Variants in ZC4H2 observed in about 807,000 individuals in gnomAD.
ZC4H2 encodes the protein zinc finger C4H2-type containing.
For missense variants in ZC4H2, 137 were observed against 173.9 expected, an observed-to-expected ratio of 0.79 and a Z score of 1.19; for synonymous variants, 84 against 66.3, an observed-to-expected ratio of 1.27 and a Z score of -1.30.
At chrX:65,021,902 A>G (rs1331919558) in intron 1 of ZC4H2, among the ~76,000 whole-genome samples, 2 of 112,177 alleles carry the variant, frequency 1.8e-5, no homozygotes, top group Non-Finnish European at 3.8e-5. Context: ...AAACAACTCT[A>G]TGCAAATAAA....
At chrX:64,941,453 T>A (rs1930277342) in intron 1 of ZC4H2, among the ~76,000 whole-genome samples, 1 of 111,332 alleles carries the variant, frequency 9.0e-6, no homozygotes, top group Non-Finnish European at 1.9e-5. Flanking sequence ...GTGAGAGAGG[T>A]CATTCTTGTC....
intron 1 of ZC4H2, among the ~76,000 whole-genome samples, chrX:64,962,529 C>T (rs1408260111): frequency 9.0e-6 from 1 of 111,154 alleles, no homozygotes; most frequent in Non-Finnish European, 1.9e-5. Context: ...CAACATAGAT[C>T]CTAGAGACCT....
At chrX:65,022,039 C>T (rs1932840514) in intron 1 of ZC4H2, among the ~76,000 whole-genome samples, 2 of 111,527 alleles carry the variant, frequency 1.8e-5, no homozygotes, top group Non-Finnish European at 3.8e-5. Flanking sequence ...AAATAATAGC[C>T]TAGCAACCAA....
chrX:64,976,433 A>T lies in ZC4H2; in HGVS notation c.-56T>A. 8.7e-7 allele frequency: 1 copy of T among 1,150,288 alleles called. No homozygotes were observed. Among genetic ancestry groups the T allele is most frequent in the South Asian group, 1.8e-5 (1 of 55,458 alleles). 94.8% of individuals were successfully genotyped at this position (1,150,288 alleles called of 1,213,427 possible). A position where few individuals can be genotyped will look rare whatever the true frequency, so the allele number is the denominator to read the frequency against. On this transcript the variant is annotated 5_prime_UTR_variant, in exon 1 of 5. Coordinates refer to ENST00000374839, the MANE Select transcript of ZC4H2 (RefSeq NM_018684.4). ...GATGTACAAATACACCAGCCAAGGGATACAATAGACACAATGTAGCCACCT... is the reference window on the plus strand; with the variant it reads ...GATGTACAAATACACCAGCCAAGGGTTACAATAGACACAATGTAGCCACCT...
intron 1 of ZC4H2, among the ~76,000 whole-genome samples, chrX:64,966,855 C>T (rs1931609854): frequency 9.0e-6 from 1 of 111,631 alleles, no homozygotes; most frequent in South Asian, 3.7e-4. Context: ...TGGAAATTTT[C>T]TAAAATATTA....
chrX:64,995,188 C>T (rs951492636), intron 1 of ZC4H2, among the ~76,000 whole-genome samples: 6 of 108,820 alleles, frequency 5.5e-5, no homozygotes, highest in South Asian at 8.1e-4. Context: ...CATCCCTCTA[C>T]AGGAATATTT....
chrX:64,988,273 T>G (rs1932234124), intron 1 of ZC4H2, among the ~76,000 whole-genome samples: 1 of 111,346 alleles, frequency 9.0e-6, no homozygotes, highest in Admixed American at 9.5e-5. Context: ...CTGGGTCAAA[T>G]GGTATTTCTA....
chrX:64,937,761 A>G (rs1472112704), intron 1 of ZC4H2, among the ~76,000 whole-genome samples: 4 of 111,742 alleles, frequency 3.6e-5, no homozygotes, highest in African/African-American at 1.3e-4. Context: ...ACGTACCAGG[A>G]TCTCTGGGAC....
intron 1 of ZC4H2, among the ~76,000 whole-genome samples, chrX:65,030,172 C>T (rs771734862): frequency 1.7e-4 from 19 of 111,441 alleles, no homozygotes; most frequent in Non-Finnish European, 3.2e-4. Context: ...GGATGGAGTG[C>T]AGTGGAGCAA....
intron 1 of ZC4H2, among the ~76,000 whole-genome samples, chrX:64,990,156 A>C (rs1411207897): frequency 1.8e-5 from 2 of 112,459 alleles, no homozygotes; most frequent in East Asian, 2.8e-4. Context: ...TGAATGTTTA[A>C]ACAAATTGGT....
chrX:64,939,962 C>A (rs984034625), intron 1 of ZC4H2, among the ~76,000 whole-genome samples: 2 of 111,359 alleles, frequency 1.8e-5, no homozygotes, highest in East Asian at 2.9e-4. Context: ...AGCTTCTGCA[C>A]AGCAAAAGAA....
At chrX:64,932,607 C>A (rs1929809616) in intron 1 of ZC4H2, among the ~76,000 whole-genome samples, 1 of 111,263 alleles carries the variant, frequency 9.0e-6, no homozygotes, top group Non-Finnish European at 1.9e-5. Context: ...CTTTATCTTC[C>A]TTTCATTTAT....
chrX:64,954,466 A>C (rs1319620189), intron 1 of ZC4H2, among the ~76,000 whole-genome samples: 2 of 96,344 alleles, frequency 2.1e-5, no homozygotes, highest in African/African-American at 8.4e-5. Context: ...ATTAATCATT[A>C]TTATGGTTAT....
intron 1 of ZC4H2, among the ~76,000 whole-genome samples, chrX:65,020,475 C>T (rs1446317629): frequency 1.8e-5 from 2 of 111,689 alleles, no homozygotes; most frequent in Admixed American, 9.5e-5. Context: ...ACTTTACAGA[C>T]AAGCAAATGC....
intron 1 of ZC4H2, among the ~76,000 whole-genome samples, chrX:64,990,815 A>G (rs1021399965): frequency 9.0e-6 from 1 of 111,384 alleles, no homozygotes; most frequent in African/African-American, 3.3e-5. Context: ...CAGTCATACT[A>G]TGCTCACAGA....
upstream of ZC4H2, among the ~76,000 whole-genome samples, chrX:64,979,458 A>G (rs1257969267): frequency 5.3e-5 from 6 of 112,703 alleles, no homozygotes; most frequent in African/African-American, 1.6e-4. Context: ...CAGAAAGAGT[A>G]ATGTGCCTCT....
At chrX:64,957,837 G>A (rs576292675) in intron 1 of ZC4H2, among the ~76,000 whole-genome samples, 14 of 110,367 alleles carry the variant, frequency 1.3e-4, no homozygotes, top group Non-Finnish European at 1.9e-4. Flanking sequence ...ACTCCAGCCC[G>A]GGTGAGAGAG....
rs181035721 is a variant in ZC4H2 at position 64,954,620 on chromosome X, T to C, written c.53+21705A>G. On this transcript the variant is annotated intron_variant, in intron 1 of 4. Transcript: ENST00000374839. ...TTCACAAGCATGCAAAATCCTAGAA[T>C]ATGGTGTCTTTTAGGAGGTTCATGA... 5.5e-3 allele frequency among the ~76,000 whole-genome samples: 579 copies of C among 106,142 alleles called. 19 individuals carry two copies. Among genetic ancestry groups the C allele is most frequent in the Middle Eastern group, 9.8e-3 (2 of 204 alleles). 92.2% of individuals were successfully genotyped at this position (106,142 alleles called of 115,157 possible).
chrX:64,921,682 C>A (rs1443289050), intron 2 of ZC4H2, 135 bp downstream of exon 2: 1 of 682,643 alleles, frequency 1.5e-6, no homozygotes. Context: ...CTCCTGAATT[C>A]TTCTGCTCTA....
Sources: allele counts gnomAD v4.1 joint callset (sites outside exome capture counted in the v4.1 genomes callset), GRCh38; gene constraint gnomAD v4.1.1; transcripts MANE v1.5; gene names NCBI Gene and HGNC (gene_info 2026-07-23, HGNC 2026-07-21).